Variants in MAML1 observed in about 807,000 individuals in gnomAD.
The protein encoded by MAML1 is mastermind-like protein 1.
In MAML1, 14 loss-of-function variants were observed where a neutral mutation model predicts 77.1. That is an observed-to-expected ratio of 0.18 (90% CI 0.12 to 0.28). The LOEUF (loss-of-function observed/expected upper bound fraction) is 0.28. Ranked by LOEUF, MAML1 falls within the 10% of genes least tolerant of loss-of-function variation. MAML1 has a pLI of 1.00. For synonymous variants in MAML1, 516 were observed against 551.9 expected (o/e 0.93, Z 0.91); for missense variants, 1,217 against 1,327.8 (o/e 0.92, Z 1.30).
At chr5:179,754,739 T>G (rs1779578456) in intron 1 of MAML1, among the ~76,000 whole-genome samples, 1 of 152,024 alleles carries the variant, frequency 6.6e-6, no homozygotes, top group Non-Finnish European at 1.5e-5. Context: ...ACTCAGTGAG[T>G]ATGGGGTAGT....
intron 1 of MAML1, among the ~76,000 whole-genome samples, chr5:179,760,678 G>A (rs1483723959): frequency 2.0e-5 from 3 of 152,020 alleles, no homozygotes; most frequent in Non-Finnish European, 2.9e-5. Context: ...AAGGGGGAGA[G>A]GACTGTACTA....
Position 179,774,982 on chromosome 5 carries a change from C to G in MAML1, c.*105C>G, listed in dbSNP as rs1293188181. 4.7e-6 allele frequency: 7 copies of G among 1,495,678 alleles called. No individual in the cohort carries two copies. Among genetic ancestry groups the G allele is most frequent in the Non-Finnish European group, 6.2e-6 (7 of 1,131,214 alleles). 92.7% of individuals were successfully genotyped at this position (1,495,678 alleles called of 1,614,324 possible). A position where few individuals can be genotyped will look rare whatever the true frequency, so the allele number is the denominator to read the frequency against. Reference sequence around the variant, plus strand: ...GACCAAAAGCCCATGGCCTGGGGAGCTGGGCAGGTAGAGCCCAAGCTCCAG... The same window carrying G: ...GACCAAAAGCCCATGGCCTGGGGAGGTGGGCAGGTAGAGCCCAAGCTCCAG... On this transcript the variant is annotated 3_prime_UTR_variant, in exon 5 of 5. Coordinates refer to ENST00000292599, the MANE Select transcript of MAML1 (RefSeq NM_014757.5).
At chr5:179,740,116 C>T (rs1779252863) in intron 1 of MAML1, among the ~76,000 whole-genome samples, 1 of 152,308 alleles carries the variant, frequency 6.6e-6, no homozygotes, top group Non-Finnish European at 1.5e-5. Context: ...AGTCTTAGAA[C>T]ATTCCAGTTA....
Position 179,765,803 on chromosome 5 carries a change from G to A in MAML1, c.793G>A (p.Glu265Lys). 6.2e-7 allele frequency: 1 copy of A among 1,614,242 alleles called. No individual in the cohort carries two copies. Among genetic ancestry groups the A allele is most frequent in the East Asian group, 2.2e-5 (1 of 44,882 alleles). The change falls in exon 2 of 5, where the codon GAA becomes AAA. Residue 265 changes from glutamate (E) to lysine (K), a missense_variant. Transcript: ENST00000292599. The stretch of plus-strand genomic sequence containing the variant: ...GGAGCTGAACAGGTCGGTGCCCGAT[G>A]AAGACATGAAGGACCTGTTTAATGA... The part of the protein sequence containing the change: ...IEELNRSVPD[E>K]DMKDLFNEDF...
At position 179,776,222 on chromosome 5, in the gene MAML1, G is replaced by A; in HGVS notation, c.*1345G>A. 2.0e-6 allele frequency: 2 copies of A among 985,900 alleles called. No individual in the cohort carries two copies. The highest frequency in any genetic ancestry group is 2.4e-6 in the Non-Finnish European group (2 of 829,972). The allele number at this position is 985,900 out of a possible 1,614,324, so 61.1% of individuals were successfully genotyped here. A position where few individuals can be genotyped will look rare whatever the true frequency, so the allele number is the denominator to read the frequency against. ...GAGAGAAAAGAGAATGCTGAAAAGT[G>A]GCTCAGATGCAGAGTGTTCTGTGGA... On this transcript the variant is annotated 3_prime_UTR_variant, in exon 5 of 5. Coordinates refer to ENST00000292599, the MANE Select transcript of MAML1 (RefSeq NM_014757.5).
intron 4 of MAML1, among the ~76,000 whole-genome samples, chr5:179,773,415 G>A (rs1475068701): frequency 2.6e-5 from 4 of 152,256 alleles, no homozygotes; most frequent in Non-Finnish European, 4.4e-5. Flanking sequence ...TAAACCTAGT[G>A]GATTCATCAC....
chr5:179,735,036 C>T (rs1337360725), intron 1 of MAML1, among the ~76,000 whole-genome samples: 9 of 151,994 alleles, frequency 5.9e-5, no homozygotes, highest in Non-Finnish European at 1.0e-4. Flanking sequence ...TACAGTATTT[C>T]GGGGGAAGGG....
rs1779807957 is a variant in MAML1 at position 179,765,887 on chromosome 5, G to C, written c.877G>C (p.Ala293Pro). The change falls in exon 2 of 5, where the codon GCA (alanine) becomes CCA (proline). Residue 293 changes from alanine to proline, a missense_variant. Coordinates refer to ENST00000292599, the MANE Select transcript of MAML1 (RefSeq NM_014757.5). ...TGGCTCTGCCACACAAACCCCCTTG[G>C]CACAGGACATTAATATTAAGACGGA... ...SSGSATQTPL[A>P]QDINIKTEFS... 6.2e-7 allele frequency: 1 copy of C among 1,613,964 alleles called. No homozygotes were observed. The highest frequency in any genetic ancestry group is 1.3e-5 in the African/African-American group (1 of 74,884).
chr5:179,752,421 T>C (rs1402478444), intron 1 of MAML1, among the ~76,000 whole-genome samples: 1 of 147,542 alleles, frequency 6.8e-6, no homozygotes, highest in Non-Finnish European at 1.5e-5. Context: ...ATACTGATTA[T>C]ATGTTAAAAA....
At chr5:179,765,299 T>TA (rs1779795967) in intron 1 of MAML1, 27 bp from the exon 2 acceptor site, 1 of 1,552,120 alleles carries the variant, frequency 6.4e-7, no homozygotes, top group African/African-American at 1.4e-5. Flanking sequence ...ATATGTATCT[T>TA]AAGTCATTCT....
At chr5:179,745,336 A>G (rs1364319248) in intron 1 of MAML1, among the ~76,000 whole-genome samples, 1 of 152,184 alleles carries the variant, frequency 6.6e-6, no homozygotes, top group Non-Finnish European at 1.5e-5. Context: ...CTTGTAGCCA[A>G]AGTAAGAGTT....
At chr5:179,758,502 C>T (rs1487441231) in intron 1 of MAML1, among the ~76,000 whole-genome samples, 2 of 151,290 alleles carry the variant, frequency 1.3e-5, no homozygotes, top group Non-Finnish European at 2.9e-5. Context: ...GTGTTCCTCT[C>T]ACCTCAACCT....
intron 2 of MAML1, among the ~76,000 whole-genome samples, chr5:179,767,125 T>C: frequency 6.7e-6 from 1 of 149,352 alleles, no homozygotes. Context: ...TTTTACTACC[T>C]TTCAGATCTC....
Position 179,732,878 on chromosome 5 carries a change from G to A in MAML1, c.-235G>A. 3.8e-6 allele frequency: 1 copy of A among 260,908 alleles called. No homozygotes were observed. 16.2% of individuals were successfully genotyped at this position (260,908 alleles called of 1,614,324 possible). On this transcript the variant is annotated 5_prime_UTR_variant, in exon 1 of 5. An upstream start codon of the reference 5' UTR is lost. Coordinates refer to ENST00000292599, the MANE Select transcript of MAML1 (RefSeq NM_014757.5). ...CCGCGGCGGTAGCGCGGAAAACAATGGGGCCGGGGCGGTGGGGAGAGGCCG... is the reference window on the plus strand; with the variant it reads ...CCGCGGCGGTAGCGCGGAAAACAATAGGGCCGGGGCGGTGGGGAGAGGCCG...
At chr5:179,768,444 C>T (rs568976808) in intron 2 of MAML1, among the ~76,000 whole-genome samples, 2 of 152,150 alleles carry the variant, frequency 1.3e-5, no homozygotes, top group South Asian at 2.1e-4. Flanking sequence ...GCAACAAGAG[C>T]GAAACTCCGT....
intron 4 of MAML1, among the ~76,000 whole-genome samples, chr5:179,773,038 C>T (rs1756038221): frequency 1.3e-5 from 2 of 152,220 alleles, no homozygotes; most frequent in African/African-American, 4.8e-5. Context: ...GCGCGCGCCG[C>T]CACGCCTGGC....
chr5:179,762,200 G>A (rs1022609486), intron 1 of MAML1, among the ~76,000 whole-genome samples: 6 of 152,156 alleles, frequency 3.9e-5, no homozygotes, highest in Non-Finnish European at 8.8e-5. Flanking sequence ...GGTTGAAGAA[G>A]GAGGAAGTGG....
intron 1 of MAML1, among the ~76,000 whole-genome samples, chr5:179,758,206 C>T (rs1215419130): frequency 2.6e-5 from 4 of 152,092 alleles, no homozygotes; most frequent in Admixed American, 6.5e-5. Flanking sequence ...TCTATGTCCT[C>T]GACAAGTGGA....
chr5:179,748,107 G>A (rs1010566894), intron 1 of MAML1, among the ~76,000 whole-genome samples: 1 of 151,906 alleles, frequency 6.6e-6, no homozygotes, highest in Non-Finnish European at 1.5e-5. Flanking sequence ...TTTTGACATG[G>A]AGCCTCACTC....
Sources: gnomAD v4.1 joint callset for allele counts (sites outside exome capture counted in the v4.1 genomes callset) on GRCh38, gnomAD v4.1.1 for gene constraint, MANE v1.5 for transcripts, NCBI Gene and HGNC (gene_info 2026-07-23, HGNC 2026-07-21) for gene names.